ADAMTSL3: variants seen among roughly 807,000 people sequenced by gnomAD.
ADAMTSL3 encodes the protein ADAMTS like 3, also known as ADAMTS-like protein 3.
ADAMTSL3 carries 128 observed loss-of-function variants against 201.7 expected under a neutral mutation model. The ratio of observed to expected loss-of-function variants is 0.63; its 90% CI spans 0.55 to 0.73. ADAMTSL3 has a LOEUF of 0.73. Among genes scored for constraint, ADAMTSL3 ranks in the 30% least tolerant of loss-of-function variants. The pLI, the probability that ADAMTSL3 is intolerant of heterozygous loss-of-function variation, is 0.00. For missense variants in ADAMTSL3, 1,990 were observed against 2,119.6 expected (o/e 0.94, Z 1.20); for synonymous variants, 738 against 748.4 (o/e 0.99, Z 0.23).
intron 24 of ADAMTSL3, among the ~76,000 whole-genome samples, chr15:84,015,014 C>T (rs944938097): frequency 5.9e-5 from 9 of 151,966 alleles, no homozygotes; most frequent in East Asian, 1.9e-4. Context: ...GGCACAATCT[C>T]GGCTCACTGC....
intron 15 of ADAMTSL3, among the ~76,000 whole-genome samples, chr15:83,911,780 C>G (rs1376833338): frequency 6.6e-6 from 1 of 152,162 alleles, no homozygotes. Flanking sequence ...TCTGTGAGAA[C>G]CTTACAACCC....
At chr15:84,019,043 A>G (rs1318368119) in intron 25 of ADAMTSL3, among the ~76,000 whole-genome samples, 1 of 149,754 alleles carries the variant, frequency 6.7e-6, no homozygotes, top group Non-Finnish European at 1.5e-5. Context: ...AACTCCCACA[A>G]GTTATCAATG....
intron 19 of ADAMTSL3, among the ~76,000 whole-genome samples, chr15:83,964,688 C>T (rs2067042798): frequency 6.6e-6 from 1 of 152,090 alleles, no homozygotes; most frequent in African/African-American, 2.4e-5. Context: ...CAAAGATACT[C>T]CTCTAGAAGA....
intron 17 of ADAMTSL3, among the ~76,000 whole-genome samples, chr15:83,938,983 T>G: frequency 6.6e-6 from 1 of 152,226 alleles, no homozygotes. Context: ...TTAAAAATGT[T>G]TTTTATCATG....
At chr15:83,699,052 A>C (rs1033089252) in intron 2 of ADAMTSL3, among the ~76,000 whole-genome samples, 31 of 151,986 alleles carry the variant, frequency 2.0e-4, no homozygotes, top group Non-Finnish European at 3.1e-4. Context: ...TTGCCTGCCA[A>C]ACTCTTTCTC....
intron 3 of ADAMTSL3, among the ~76,000 whole-genome samples, chr15:83,764,468 G>C (rs1164092111): frequency 6.6e-6 from 1 of 152,110 alleles, no homozygotes; most frequent in Non-Finnish European, 1.5e-5. Context: ...CTTCTGGTTG[G>C]GTTTGGCAAA....
At chr15:83,840,796 A>G (rs1263654629) in intron 7 of ADAMTSL3, among the ~76,000 whole-genome samples, 1 of 152,220 alleles carries the variant, frequency 6.6e-6, no homozygotes, top group African/African-American at 2.4e-5. Context: ...GAAATCACAG[A>G]AAACTCAACT....
chr15:83,778,855 G>T (rs535602316), intron 4 of ADAMTSL3, among the ~76,000 whole-genome samples: 1 of 152,194 alleles, frequency 6.6e-6, no homozygotes, highest in African/African-American at 2.4e-5. Context: ...CCATTGGTAT[G>T]CTTGTCTTCA....
intron 3 of ADAMTSL3, among the ~76,000 whole-genome samples, chr15:83,747,030 A>G (rs1310635265): frequency 1.3e-5 from 2 of 152,204 alleles, no homozygotes. Context: ...TAGAACTTTC[A>G]TATACTTTAC....
chr15:83,901,535 A>G (rs915348214), intron 15 of ADAMTSL3, among the ~76,000 whole-genome samples: 4 of 152,260 alleles, frequency 2.6e-5, no homozygotes, highest in African/African-American at 4.8e-5. Context: ...TATTTCAGAA[A>G]TAAATTTCCA....
At chr15:83,994,795 G>A (rs1389977636) in intron 23 of ADAMTSL3, among the ~76,000 whole-genome samples, 1 of 39,304 alleles carries the variant, frequency 2.5e-5, no homozygotes, top group African/African-American at 2.9e-4. Context: ...TTTTAGTAGA[G>A]ACGGGGGTTT....
At chr15:83,807,705 A>G (rs2063622806) in intron 5 of ADAMTSL3, among the ~76,000 whole-genome samples, 1 of 152,200 alleles carries the variant, frequency 6.6e-6, no homozygotes, top group Non-Finnish European at 1.5e-5. Flanking sequence ...CACAAAAAAC[A>G]AAACTGGAGG....
Position 83,660,809 on chromosome 15 carries a change from T to G in ADAMTSL3, c.69+4979T>G, listed in dbSNP as rs775036736. Among the ~76,000 whole-genome samples the G allele has an allele frequency of 2.5e-3, 386 of 152,012 alleles. 2 individuals carry two copies. Among genetic ancestry groups the G allele is most frequent in the Non-Finnish European group, 4.4e-3 (299 of 67,950 alleles). The stretch of plus-strand genomic sequence containing the variant: ...AATTAGATCCCATTTGTCAATTTTG[T>G]CTTTTGTTGCCATTGCTTTTGGTGT... On this transcript the variant is annotated intron_variant, in intron 2 of 29. Coordinates refer to ENST00000286744, the MANE Select transcript of ADAMTSL3 (RefSeq NM_207517.3).
rs17158579 is a variant in ADAMTSL3 at position 83,885,365 on chromosome 15, A to G, written c.1072+153A>G. 0.1 allele frequency among the ~76,000 whole-genome samples: 15,587 copies of G among 152,152 alleles called. 1,046 individuals are homozygous for G. Among genetic ancestry groups the G allele is most frequent in the East Asian group, 0.35 (1,787 of 5,150 alleles). On this transcript the variant is annotated intron_variant, in intron 10 of 29. Coordinates refer to ENST00000286744, the MANE Select transcript of ADAMTSL3 (RefSeq NM_207517.3). Reference sequence around the variant, plus strand: ...CAGCAGCCTGAATGCAATCGTGTTAATGAAGAAGATGCATTTGCCTTTATT... The same window carrying G: ...CAGCAGCCTGAATGCAATCGTGTTAGTGAAGAAGATGCATTTGCCTTTATT...
chr15:83,826,873 G>C lies in ADAMTSL3; in HGVS notation c.600+6826G>C, dbSNP rs1482460841. Among the ~76,000 whole-genome samples the C allele has an allele frequency of 2.6e-5, 4 of 152,016 alleles. No individual in the cohort carries two copies. The South Asian group carries it at 6.2e-4, about 24-fold the overall frequency. ...TTTTATGGCTGCATAGTATTCCATG[G>C]TGTATATGTGCCACATTTTCTTAAT... On this transcript the variant is annotated intron_variant, in intron 6 of 29. Transcript: ENST00000286744.
intron 3 of ADAMTSL3, among the ~76,000 whole-genome samples, chr15:83,770,276 A>C (rs2062959385): frequency 2.6e-5 from 4 of 152,248 alleles, no homozygotes; most frequent in Admixed American, 2.0e-4. Context: ...ATGAAAGTTC[A>C]AATAGTAATA....
chr15:83,849,319 G>A (rs1338238862), intron 7 of ADAMTSL3, among the ~76,000 whole-genome samples: 3 of 152,076 alleles, frequency 2.0e-5, no homozygotes, highest in South Asian at 2.1e-4. Flanking sequence ...TTGAGACAAG[G>A]TCTCACTATG....
chr15:83,903,743 C>A (rs904176429), intron 15 of ADAMTSL3, among the ~76,000 whole-genome samples: 1 of 151,222 alleles, frequency 6.6e-6, no homozygotes, highest in Admixed American at 6.6e-5. Context: ...CATGGTAAAA[C>A]CCTGTCTCTA....
intron 7 of ADAMTSL3, among the ~76,000 whole-genome samples, chr15:83,839,609 C>T (rs535175229): frequency 6.6e-6 from 1 of 152,214 alleles, no homozygotes; most frequent in South Asian, 2.1e-4. Context: ...GTCTTTCAAG[C>T]TATTCAAGAG....
Sources: gnomAD v4.1 joint callset for allele counts (sites outside exome capture counted in the v4.1 genomes callset) on GRCh38, gnomAD v4.1.1 for gene constraint, MANE v1.5 for transcripts, NCBI Gene and HGNC (gene_info 2026-07-23, HGNC 2026-07-21) for gene names.